Variants in MSR1 observed in about 807,000 individuals in gnomAD.
The protein encoded by MSR1 is macrophage scavenger receptor types I and II.
MSR1 carries 53 observed loss-of-function variants against 47.2 expected under a neutral mutation model. The observed-to-expected ratio is 1.12, with a 90% CI of 0.90 to 1.41. The LOEUF is 1.41. MSR1 is among the 40% of genes most tolerant of loss of function. The pLI, the probability that MSR1 is intolerant of heterozygous loss-of-function variation, is 0.00. For synonymous variants in MSR1, 239 were observed against 185.6 expected (o/e 1.29, Z -2.34); for missense variants, 786 against 546.9 (o/e 1.44, Z -4.36).
At chr8:16,118,781 AGGGATGAAGAG>A (rs1799933763) in intron 9 of MSR1, among the ~76,000 whole-genome samples, 1 of 152,190 alleles carries the variant, frequency 6.6e-6, no homozygotes, top group African/African-American at 2.4e-5. Context: ...TCAATTCTCT[AGGGATGAAGAG>A]TTGAGGATTT....
chr8:16,151,826 G>C (rs1800869703), intron 6 of MSR1, among the ~76,000 whole-genome samples: 1 of 152,138 alleles, frequency 6.6e-6, no homozygotes. Context: ...CAAAGTAGCA[G>C]ACTGGTTAAG....
At position 16,168,762 on chromosome 8, in the gene MSR1, C is replaced by G; in HGVS notation, c.326G>C (p.Arg109Thr). ...GTGTTCCATAAAGACTTCTTGAAAT[C>G]TCATTTCCTCTTCGCTGTCATTTCC... The part of the protein sequence containing the change: ...GKGNDSEEEM[R>T]FQEVFMEHMS... The change falls in exon 4 of 10, where the codon AGA (arginine) becomes ACA (threonine). Residue 109 changes from arginine to threonine, a missense_variant. Arg to Thr is a moderately conservative substitution (Grantham distance 71). Coordinates refer to ENST00000262101, the MANE Select transcript of MSR1 (RefSeq NM_138715.3). 6.2e-7 allele frequency: 1 copy of G among 1,614,128 alleles called. No homozygotes were observed. The highest frequency in any genetic ancestry group is 8.5e-7 in the Non-Finnish European group (1 of 1,180,012).
At chr8:16,134,369 T>C (rs1184614656) in intron 8 of MSR1, among the ~76,000 whole-genome samples, 2 of 152,152 alleles carry the variant, frequency 1.3e-5, no homozygotes, top group Admixed American at 1.3e-4. Context: ...ATATTTTCCA[T>C]GATTTTTTGA....
At chr8:16,123,491 G>C (rs1226044010) in intron 8 of MSR1, among the ~76,000 whole-genome samples, 1 of 150,756 alleles carries the variant, frequency 6.6e-6, no homozygotes, top group Admixed American at 6.6e-5. Context: ...TCGTTTCTTT[G>C]GCAACAAGCT....
chr8:16,189,115 T>C (rs1802089174), intron 1 of MSR1, among the ~76,000 whole-genome samples: 1 of 145,936 alleles, frequency 6.9e-6, no homozygotes, highest in African/African-American at 2.5e-5. Context: ...ATATATTTCA[T>C]ATATACGCAA....
At chr8:16,122,905 C>T (rs184282132) in intron 8 of MSR1, among the ~76,000 whole-genome samples, 1,470 of 133,976 alleles carry the variant, frequency 0.011, 13 homozygotes, top group Middle Eastern at 0.029. Context: ...AGTGTAGTGG[C>T]GCGATCTCGG....
chr8:16,168,024 G>T (rs962003581), intron 4 of MSR1, among the ~76,000 whole-genome samples: 2 of 152,186 alleles, frequency 1.3e-5, no homozygotes, highest in South Asian at 4.2e-4. Flanking sequence ...ACACCTTAAG[G>T]TGAGGACCAT....
At chr8:16,181,768 T>A (rs1801840177) in intron 1 of MSR1, among the ~76,000 whole-genome samples, 1 of 151,704 alleles carries the variant, frequency 6.6e-6, no homozygotes, top group African/African-American at 2.4e-5. Flanking sequence ...CTGCACATTT[T>A]GCACATGTAT....
At chr8:16,159,322 T>C (rs966325898) in intron 5 of MSR1, among the ~76,000 whole-genome samples, 2 of 152,096 alleles carry the variant, frequency 1.3e-5, no homozygotes, top group Admixed American at 6.6e-5. Flanking sequence ...TAAATACCTT[T>C]CTCTAGAGTT....
rs1433051502 is a variant in MSR1, at chr8:16,143,446, C to T, written c.1033+112G>A. On this transcript the variant is annotated intron_variant, in intron 8 of 9. Coordinates refer to ENST00000262101, the MANE Select transcript of MSR1 (RefSeq NM_138715.3). ...AAATTATGTTTGGCTTCCATAGAGT[C>T]TGTATGGATCTGTGCTGAAGTTGCG... 5 of 833,414 alleles carry T rather than the reference C, an allele frequency of 6.0e-6. No homozygotes were observed. The African/African-American group carries it at 8.5e-5, about 14-fold the overall frequency. 51.6% of individuals were successfully genotyped at this position (833,414 alleles called of 1,614,324 possible).
chr8:16,191,863 G>T (rs995711681), intron 1 of MSR1, among the ~76,000 whole-genome samples: 1 of 152,126 alleles, frequency 6.6e-6, no homozygotes, highest in African/African-American at 2.4e-5. Flanking sequence ...CAGATTTCTA[G>T]CATCTCCATG....
Position 16,110,142 on chromosome 8 carries a change from T to G in MSR1, c.1299A>C (p.Gln433His). ...AATGTGAACAGGCTCTTGTCCCCCATTGCCGAATTTTACATTCTTCAATAG... is the reference window on the plus strand; with the variant it reads ...AATGTGAACAGGCTCTTGTCCCCCAGTGCCGAATTTTACATTCTTCAATAG... ...ESSIEECKIR[Q>H]WGTRACSHSE... is the part of the protein sequence containing the mutation. Residue 433 changes from glutamine to histidine, a missense_variant, in exon 10 of 10, where the codon CAA (glutamine) becomes CAC (histidine). Coordinates refer to ENST00000262101, the MANE Select transcript of MSR1 (RefSeq NM_138715.3). The G allele has an allele frequency of 6.2e-7, 1 of 1,613,734 alleles. No individual in the cohort carries two copies. Among genetic ancestry groups the G allele is most frequent in the Non-Finnish European group, 8.5e-7 (1 of 1,179,738 alleles).
chr8:16,110,695 C>T (rs571474557), intron 9 of MSR1, among the ~76,000 whole-genome samples: 112 of 152,082 alleles, frequency 7.4e-4, no homozygotes, highest in African/African-American at 2.3e-3. Context: ...GTTATCTTCC[C>T]GTGTATTTCA....
Position 16,134,713 on chromosome 8 carries a change from G to C in MSR1, c.1033+8845C>G, listed in dbSNP as rs532648310. ...CCTTAGTGAGAAAGGCGGGTTGAAA[G>C]TCAAGACAGGCTGAAAGTATGAAAT... On this transcript the variant is annotated intron_variant, in intron 8 of 9. Transcript: ENST00000262101. Among the ~76,000 whole-genome samples the C allele has an allele frequency of 2.3e-4, 35 of 152,302 alleles. 1 individual carries two copies. Among genetic ancestry groups the C allele is most frequent in the African/African-American group, 8.4e-4 (35 of 41,580 alleles).
At chr8:16,111,971 G>A (rs551761198) in intron 9 of MSR1, among the ~76,000 whole-genome samples, 3 of 151,888 alleles carry the variant, frequency 2.0e-5, no homozygotes, top group African/African-American at 7.3e-5. Context: ...ATCTCCTTTG[G>A]TGCCTACACG....
intron 9 of MSR1, among the ~76,000 whole-genome samples, chr8:16,117,633 C>A (rs907540047): frequency 6.6e-6 from 1 of 152,118 alleles, no homozygotes; most frequent in African/African-American, 2.4e-5. Flanking sequence ...CACAAAAGCA[C>A]TGAAAAGCCT....
In MSR1 at chr8:16,155,009, G is replaced by A. The variant is rs1037269377; in HGVS notation, c.898+55C>T. On this transcript the variant is annotated intron_variant, in intron 6 of 9. Coordinates refer to ENST00000262101, the MANE Select transcript of MSR1 (RefSeq NM_138715.3). ...GCAATCCTCCCCTACACATGTACCT[G>A]GATGTATATCATCTATCTTCACAGT... The A allele has an allele frequency of 4.9e-6, 7 of 1,414,872 alleles. No homozygotes were observed. In the Admixed American group the frequency reaches 6.8e-5, roughly 14 times the overall value. The allele number at this position is 1,414,872 out of a possible 1,614,324, so 87.6% of individuals were successfully genotyped here.
At chr8:16,169,447 G>A (rs1170606122) in intron 3 of MSR1, among the ~76,000 whole-genome samples, 3 of 152,078 alleles carry the variant, frequency 2.0e-5, no homozygotes, top group Admixed American at 6.5e-5. Context: ...TGGTGGAGCA[G>A]GAAATTGGGC....
At chr8:16,140,343 A>G in intron 8 of MSR1, 1 of 985,306 alleles carries the variant, frequency 1.0e-6, no homozygotes, top group Non-Finnish European at 1.2e-6. Flanking sequence ...AATGCTTTGG[A>G]AAGAGACCAG....
Sources: gnomAD v4.1 joint callset for allele counts (sites outside exome capture counted in the v4.1 genomes callset) on GRCh38, gnomAD v4.1.1 for gene constraint, MANE v1.5 for transcripts, NCBI Gene and HGNC (gene_info 2026-07-23, HGNC 2026-07-21) for gene names.